The following UNKL variants were observed in gnomAD, a reference collection of about 807,000 sequenced individuals.
The protein encoded by UNKL is putative E3 ubiquitin-protein ligase UNKL.
A neutral mutation model predicts 78.0 loss-of-function variants in UNKL; 60 were observed. The observed-to-expected ratio is 0.77, with a 90% CI of 0.63 to 0.95. The LOEUF is 0.95. Among genes scored for constraint, UNKL ranks in the 40% least tolerant of loss-of-function variants. The pLI is 0.00. For synonymous variants in UNKL, 608 were observed against 474.8 expected (o/e 1.28, Z -3.65); for missense variants, 1,159 against 1,045.7 (o/e 1.11, Z -1.49).
chr16:1,403,755 A>T lies in UNKL; in HGVS notation c.288-411T>A. The stretch of plus-strand genomic sequence containing the variant: ...ACCTTCCTTACCCGTCGCAGTCACA[A>T]AGTGGGGGCCCCTCCTGCCCAGCGT... On this transcript the variant is annotated intron_variant, in intron 2 of 14. Coordinates refer to ENST00000389221, the MANE Select transcript of UNKL (RefSeq NM_001372107.1). The surrounding 1 kb of genome is among the most constrained non-coding windows in gnomAD (Gnocchi z 4.8). Among the ~76,000 whole-genome samples the T allele has an allele frequency of 6.6e-6, 1 of 152,172 alleles. No individual in the cohort carries two copies. The highest frequency in any genetic ancestry group is 1.9e-4 in the East Asian group (1 of 5,194).
chr16:1,380,534 AAGTG>A (rs1320520515), intron 10 of UNKL, among the ~76,000 whole-genome samples: 3 of 152,048 alleles, frequency 2.0e-5, no homozygotes, highest in Non-Finnish European at 4.4e-5. Context: ...CAGAGGAAAA[AAGTG>A]AGGCTGGCAC....
At position 1,414,659 on chromosome 16, in the gene UNKL, C is replaced by T. The variant is rs1260677355; in HGVS notation, c.33G>A (p.Ala11=). 2.6e-6 allele frequency: 3 copies of T among 1,146,408 alleles called. No individual in the cohort carries two copies. The highest frequency in any genetic ancestry group is 3.3e-6 in the Non-Finnish European group (3 of 921,574). 71.0% of individuals were successfully genotyped at this position (1,146,408 alleles called of 1,614,324 possible). Residue 11 remains alanine, a synonymous_variant, in exon 1 of 15, where the codon GCG becomes GCA. Transcript: ENST00000389221. The part of the protein sequence containing the change: MPSVSKAAAA[A]LSGSPPQTEK... Reference sequence around the variant, plus strand: ...CAGTCTGCGGGGGGGACCCGCTCAGCGCCGCTGCCGCCGCTTTCGAAACCG... The same window carrying T: ...CAGTCTGCGGGGGGGACCCGCTCAGTGCCGCTGCCGCCGCTTTCGAAACCG...
intron 7 of UNKL, 48 bp downstream of exon 7, chr16:1,394,083 A>G (rs2037159678): frequency 6.5e-7 from 1 of 1,532,258 alleles, no homozygotes; most frequent in Admixed American, 2.0e-5. Context: ...GGGCCTGCAG[A>G]GCCGCGGAAC....
At chr16:1,372,775 G>A (rs893892279) in intron 10 of UNKL, among the ~76,000 whole-genome samples, 2 of 152,154 alleles carry the variant, frequency 1.3e-5, no homozygotes, top group African/African-American at 4.8e-5. Context: ...CGCCTCCCCA[G>A]CCCAGCCCAG....
intron 12 of UNKL, chr16:1,368,068 G>A (rs887870183): frequency 2.7e-5 from 16 of 590,112 alleles, no homozygotes; most frequent in African/African-American, 5.6e-5. Context: ...CACCTGCCCC[G>A]GCCGGTCTCC....
chr16:1,376,604 G>A (rs548963093), intron 10 of UNKL, among the ~76,000 whole-genome samples: 6 of 152,222 alleles, frequency 3.9e-5, no homozygotes, highest in South Asian at 4.1e-4. Context: ...TAGGGAGACT[G>A]GTCACTGGCT....
At chr16:1,391,307 C>T (rs900693441) in intron 8 of UNKL, among the ~76,000 whole-genome samples, 7 of 151,794 alleles carry the variant, frequency 4.6e-5, no homozygotes, top group Non-Finnish European at 8.8e-5. Context: ...AGAATTTAGA[C>T]GAATGCTATT....
chr16:1,392,228 G>A (rs1399624430), intron 8 of UNKL, among the ~76,000 whole-genome samples: 1 of 152,174 alleles, frequency 6.6e-6, no homozygotes, highest in Non-Finnish European at 1.5e-5. Context: ...AGGCAGCTGA[G>A]AAACAGTAGA....
chr16:1,393,931 G>A (rs2037152913), intron 7 of UNKL, among the ~76,000 whole-genome samples, 200 bp downstream of exon 7: 1 of 152,180 alleles, frequency 6.6e-6, no homozygotes, highest in African/African-American at 2.4e-5. Context: ...GGCGTGGAGG[G>A]AGCCCAGCCT....
At chr16:1,372,051 T>C (rs1471317586) in intron 10 of UNKL, among the ~76,000 whole-genome samples, 2 of 150,918 alleles carry the variant, frequency 1.3e-5, no homozygotes, top group East Asian at 1.9e-4. Context: ...GGTCAGGAGA[T>C]CGAGACCATC....
chr16:1,401,834 T>G, intron 3 of UNKL, 133 bp from the exon 4 acceptor site: 1 of 1,272,880 alleles, frequency 7.9e-7, no homozygotes, highest in Non-Finnish European at 1.1e-6. Flanking sequence ...GGACGGAGTC[T>G]CAGTGTGTGG....
At chr16:1,368,559 G>A (rs909149671) in intron 12 of UNKL, among the ~76,000 whole-genome samples, 17 of 120,100 alleles carry the variant, frequency 1.4e-4, no homozygotes, top group South Asian at 5.7e-4. Flanking sequence ...CCGAGATTGC[G>A]CCACTGCAGT....
chr16:1,385,477 C>T (rs932519214), intron 9 of UNKL, 92 bp from the exon 10 acceptor site: 25 of 1,225,928 alleles, frequency 2.0e-5, no homozygotes, highest in Middle Eastern at 2.4e-4. Flanking sequence ...CGCGGGACGG[C>T]GGCCAACTTC....
chr16:1,383,879 C>T (rs2036707200), intron 10 of UNKL: 2 of 415,738 alleles, frequency 4.8e-6, no homozygotes, highest in South Asian at 1.7e-5. Context: ...CCCAGCTCCC[C>T]CGCCACACCC....
Position 1,385,232 on chromosome 16 carries a change from T to C in UNKL, c.1240A>G (p.Ser414Gly). The C allele has an allele frequency of 2.3e-6, 3 of 1,293,674 alleles. No individual in the cohort carries two copies. The highest frequency in any genetic ancestry group is 2.9e-6 in the Non-Finnish European group (3 of 1,022,070). The allele number at this position is 1,293,674 out of a possible 1,614,324, so 80.1% of individuals were successfully genotyped here. A position where few individuals can be genotyped will look rare whatever the true frequency, so the allele number is the denominator to read the frequency against. The stretch of plus-strand genomic sequence containing the variant: ...CCGAGGACGGCCTCCACAGTGCTGC[T>C]GGCGGGGCCGAGCGGGAGGGCACGG... Reference protein sequence around the residue: ...PARALPLGPASSTVEAVLGSA... With the variant: ...PARALPLGPAGSTVEAVLGSA... The change falls in exon 10 of 15, where the codon AGC (serine) becomes GGC (glycine). Residue 414 changes from serine to glycine, a missense_variant. Coordinates refer to ENST00000389221, the MANE Select transcript of UNKL (RefSeq NM_001372107.1).
Position 1,399,151 on chromosome 16 carries a change from G to A in UNKL, c.734+223C>T. The A allele has an allele frequency of 9.0e-7, 1 of 1,113,192 alleles. No homozygotes were observed. Among genetic ancestry groups the A allele is most frequent in the Non-Finnish European group, 1.2e-6 (1 of 809,122 alleles). 69.0% of individuals were successfully genotyped at this position (1,113,192 alleles called of 1,614,324 possible). A position where few individuals can be genotyped will look rare whatever the true frequency, so the allele number is the denominator to read the frequency against. On this transcript the variant is annotated intron_variant, in intron 5 of 14. Coordinates refer to ENST00000389221, the MANE Select transcript of UNKL (RefSeq NM_001372107.1). The surrounding 1 kb of genome is among the most constrained non-coding windows in gnomAD (Gnocchi z 5.8). Reference sequence around the variant, plus strand: ...AGGGGCCCCGGTAGGGGACTGCATGGGAGACACTGAGCGTAGGTGGGGAGG... The same window carrying A: ...AGGGGCCCCGGTAGGGGACTGCATGAGAGACACTGAGCGTAGGTGGGGAGG...
chr16:1,372,192 A>T (rs1182769584), intron 10 of UNKL, among the ~76,000 whole-genome samples: 1 of 152,000 alleles, frequency 6.6e-6, no homozygotes, highest in Non-Finnish European at 1.5e-5. Context: ...TGAACCCCAG[A>T]GGCGGAGCTT....
chr16:1,396,995 C>G, intron 6 of UNKL, 183 bp downstream of exon 6: 1 of 619,194 alleles, frequency 1.6e-6, no homozygotes, highest in Non-Finnish European at 2.8e-6. Flanking sequence ...AGCCCGAAGG[C>G]CAGCAAGCAA....
chr16:1,388,006 G>C (rs1001117339), intron 9 of UNKL, among the ~76,000 whole-genome samples: 2 of 152,274 alleles, frequency 1.3e-5, no homozygotes, highest in African/African-American at 4.8e-5. Flanking sequence ...CATGACCCCT[G>C]TGGGCGTCTC....
Sources: gnomAD v4.1 joint callset for allele counts (sites outside exome capture counted in the v4.1 genomes callset) on GRCh38, gnomAD v4.1.1 for gene constraint, Gnocchi (gnomAD v3.1) non-coding constraint, MANE v1.5 for transcripts, NCBI Gene and HGNC (gene_info 2026-07-23, HGNC 2026-07-21) for gene names.